PALS1: variants seen among roughly 807,000 people sequenced by gnomAD.
PALS1 encodes protein PALS1.
Under a neutral mutation model 78.9 loss-of-function variants are expected in PALS1, and 31 were observed. That is an observed-to-expected ratio of 0.39 (90% CI 0.30 to 0.53). PALS1 has a LOEUF of 0.53. Among genes scored for constraint, PALS1 ranks in the 20% least tolerant of loss-of-function variants. PALS1 has a pLI of 0.67. For missense variants in PALS1, 704 were observed against 826.5 expected (o/e 0.85, Z 1.82); for synonymous variants, 276 against 270.9 (o/e 1.02, Z -0.18).
intron 1 of PALS1, among the ~76,000 whole-genome samples, chr14:67,266,740 T>A (rs1400014819): frequency 6.6e-6 from 1 of 152,204 alleles, no homozygotes; most frequent in Non-Finnish European, 1.5e-5. Context: ...GTTACACAGT[T>A]ATCAAGTAAA....
intron 3 of PALS1, among the ~76,000 whole-genome samples, chr14:67,281,708 C>A (rs2084611055): frequency 6.6e-6 from 1 of 151,988 alleles, no homozygotes; most frequent in Non-Finnish European, 1.5e-5. Flanking sequence ...AGTAAAGAAA[C>A]AAATATAGCT....
chr14:67,335,305 C>T lies in PALS1; in HGVS notation c.*2349C>T, dbSNP rs2085512653. Reference sequence around the variant, plus strand: ...TCCACAAAAGAATATGGAAAAAAGCCTTGCTGTACACCTAGTTGTACAGCC... The same window carrying T: ...TCCACAAAAGAATATGGAAAAAAGCTTTGCTGTACACCTAGTTGTACAGCC... On this transcript the variant is annotated 3_prime_UTR_variant, in exon 15 of 15. Transcript: ENST00000261681. 4 of 152,336 alleles carry T rather than the reference C, an allele frequency of 2.6e-5. No homozygotes were observed. In the South Asian group the frequency reaches 8.3e-4, roughly 32 times the overall value. The allele number at this position is 152,336 out of a possible 1,614,324, so 9.4% of individuals were successfully genotyped here. A position where few individuals can be genotyped will look rare whatever the true frequency, so the allele number is the denominator to read the frequency against.
chr14:67,252,015 AG>A, intron 1 of PALS1, among the ~76,000 whole-genome samples: 1 of 152,240 alleles, frequency 6.6e-6, no homozygotes, highest in East Asian at 1.9e-4. Flanking sequence ...AGGTGCTGGG[AG>A]GCTGGTTTGA....
intron 14 of PALS1, among the ~76,000 whole-genome samples, chr14:67,325,442 C>G (rs2085337841): frequency 6.6e-6 from 1 of 152,086 alleles, no homozygotes; most frequent in Non-Finnish European, 1.5e-5. Flanking sequence ...CGCCATATAC[C>G]TACAAATTCT....
intron 3 of PALS1, among the ~76,000 whole-genome samples, chr14:67,284,677 A>T (rs1426746545): frequency 6.6e-6 from 1 of 150,398 alleles, no homozygotes; most frequent in Non-Finnish European, 1.5e-5. Flanking sequence ...GCCCTTGACA[A>T]CCACGAATAT....
At chr14:67,319,740 G>A (rs1168493979) in intron 11 of PALS1, among the ~76,000 whole-genome samples, 2 of 152,188 alleles carry the variant, frequency 1.3e-5, no homozygotes, top group Admixed American at 6.5e-5. Flanking sequence ...GGACGAGCTT[G>A]AACTATAGGA....
chr14:67,268,992 G>A (rs1018279469), intron 1 of PALS1, among the ~76,000 whole-genome samples: 2 of 152,104 alleles, frequency 1.3e-5, no homozygotes, highest in East Asian at 1.9e-4. Flanking sequence ...GCATCATTCC[G>A]CAAGAGAAAC....
chr14:67,322,933 G>A (rs1415035478), intron 13 of PALS1, among the ~76,000 whole-genome samples: 2 of 152,206 alleles, frequency 1.3e-5, no homozygotes, highest in East Asian at 3.9e-4. Flanking sequence ...TTTCTTGGAT[G>A]TGCTTTTCTT....
In PALS1 at chr14:67,333,212, C is replaced by A; in HGVS notation, c.*256C>A. 3.0e-6 allele frequency: 1 copy of A among 329,650 alleles called. No individual in the cohort carries two copies. Among genetic ancestry groups the A allele is most frequent in the Non-Finnish European group, 5.6e-6 (1 of 180,114 alleles). The allele number at this position is 329,650 out of a possible 1,614,324, so 20.4% of individuals were successfully genotyped here. A position where few individuals can be genotyped will look rare whatever the true frequency, so the allele number is the denominator to read the frequency against. On this transcript the variant is annotated 3_prime_UTR_variant, in exon 15 of 15. Coordinates refer to ENST00000261681, the MANE Select transcript of PALS1 (RefSeq NM_022474.4). ...TTCTAAATGGAAGCTTTCAACAGAG[C>A]ATTCCATTTTGTCCTGTTAAAACCT...
chr14:67,335,835 T>C lies in PALS1; in HGVS notation c.*2879T>C, dbSNP rs2085523977. On this transcript the variant is annotated 3_prime_UTR_variant, in exon 15 of 15. Transcript: ENST00000261681. ...TTAAAAGCCACTAAGCAATTTCTCT[T>C]GCTATTTGCTCGGCCACTCAAGGTT... 6.6e-6 allele frequency: 1 copy of C among 152,312 alleles called. No homozygotes were observed. Among genetic ancestry groups the C allele is most frequent in the African/African-American group, 2.4e-5 (1 of 41,464 alleles). The allele number at this position is 152,312 out of a possible 1,614,324, so 9.4% of individuals were successfully genotyped here.
In PALS1 at chr14:67,335,188, T is replaced by C. The variant is rs1379003227; in HGVS notation, c.*2232T>C. On this transcript the variant is annotated 3_prime_UTR_variant, in exon 15 of 15. Transcript: ENST00000261681. ...CCCCTTCCTCATCAGCAATGGTAGATAGAAATGTCCTAAACTTTTCTAAAT... is the reference window on the plus strand; with the variant it reads ...CCCCTTCCTCATCAGCAATGGTAGACAGAAATGTCCTAAACTTTTCTAAAT... 1.3e-5 allele frequency: 2 copies of C among 152,224 alleles called. No homozygotes were observed. The highest frequency in any genetic ancestry group is 2.9e-5 in the Non-Finnish European group (2 of 68,040). The allele number at this position is 152,224 out of a possible 1,614,324, so 9.4% of individuals were successfully genotyped here.
chr14:67,252,805 T>C (rs931484671), intron 1 of PALS1, among the ~76,000 whole-genome samples: 1 of 152,272 alleles, frequency 6.6e-6, no homozygotes, highest in Non-Finnish European at 1.5e-5. Context: ...TTAGCCTTGC[T>C]GTGAGCTAAA....
chr14:67,301,907 TAA>T, intron 5 of PALS1, 63 bp from the exon 6 acceptor site: 1 of 1,510,356 alleles, frequency 6.6e-7, no homozygotes, highest in Admixed American at 2.2e-5. Context: ...GTACATAGGT[TAA>T]AAATCACTCT....
chr14:67,260,893 A>G (rs3844530), intron 1 of PALS1, among the ~76,000 whole-genome samples: 47,339 of 151,868 alleles, frequency 0.31, 11,314 homozygotes, highest in African/African-American at 0.64. Context: ...GAGAAAGAAA[A>G]TGGAAAAAGT....
At chr14:67,324,897 A>ATCTTTT (rs2085326810) in intron 14 of PALS1, among the ~76,000 whole-genome samples, 1 of 76,336 alleles carries the variant, frequency 1.3e-5, no homozygotes, top group Admixed American at 1.7e-4. Flanking sequence ...CCTTCCTTTC[A>ATCTTTT]TTTTTTTTTT....
intron 8 of PALS1, 66 bp downstream of exon 8, chr14:67,303,665 A>ACTGTTACAGAAATGTCACTGTTTC (rs2084960529): frequency 2.7e-6 from 3 of 1,116,668 alleles, no homozygotes; most frequent in Non-Finnish European, 4.1e-6. Context: ...GTTACTGTTT[A>ACTGTTACAGAAATGTCACTGTTTC]CTGTTACAGA....
intron 14 of PALS1, 99 bp from the exon 15 acceptor site, chr14:67,332,681 C>A: frequency 1.8e-6 from 2 of 1,127,828 alleles, no homozygotes; most frequent in East Asian, 2.6e-5. Flanking sequence ...AGAAGGAAAG[C>A]TATGAAGGTC....
intron 4 of PALS1, among the ~76,000 whole-genome samples, chr14:67,299,382 A>G (rs2084901089): frequency 6.6e-6 from 1 of 152,224 alleles, no homozygotes; most frequent in Non-Finnish European, 1.5e-5. Flanking sequence ...AAGTATAATA[A>G]AAGTCCATTC....
At chr14:67,298,246 T>G (rs898647137) in intron 4 of PALS1, among the ~76,000 whole-genome samples, 6 of 152,054 alleles carry the variant, frequency 3.9e-5, no homozygotes, top group Non-Finnish European at 7.3e-5. Context: ...TTTTAGTAAT[T>G]TATTAGTATC....
Sources: allele counts gnomAD v4.1 joint callset (sites outside exome capture counted in the v4.1 genomes callset), GRCh38; gene constraint gnomAD v4.1.1; transcripts MANE v1.5; gene names NCBI Gene and HGNC (gene_info 2026-07-23, HGNC 2026-07-21).